Variants in NRXN3 observed in about 807,000 individuals in gnomAD.
NRXN3 encodes the protein neurexin 3.
NRXN3 carries 32 observed loss-of-function variants against 137.6 expected under a neutral mutation model. That is an observed-to-expected ratio of 0.23 (90% CI 0.18 to 0.31). NRXN3 has a LOEUF of 0.31. Among genes scored for constraint, NRXN3 ranks in the 10% least tolerant of loss-of-function variants. The probability of loss-of-function intolerance (pLI) is 1.00; values close to 1 mark genes in which losing one functional copy is unlikely to be tolerated. For synonymous variants in NRXN3, 798 were observed against 784.5 expected (o/e 1.02, Z -0.29); for missense variants, 1,574 against 2,062.5 (o/e 0.76, Z 4.59).
At chr14:78,326,462 C>T (rs1278385336) in intron 4 of NRXN3, among the ~76,000 whole-genome samples, 2 of 152,130 alleles carry the variant, frequency 1.3e-5, no homozygotes, top group Non-Finnish European at 2.9e-5. Flanking sequence ...TAACATGTTC[C>T]GTTTTGGATT....
chr14:79,510,077 C>T (rs1404921084), intron 16 of NRXN3, among the ~76,000 whole-genome samples: 1 of 152,164 alleles, frequency 6.6e-6, no homozygotes, highest in African/African-American at 2.4e-5. Flanking sequence ...ATTGACCAAA[C>T]CAAAACACGT....
In NRXN3 at chr14:78,988,027, A is replaced by G. The variant is rs1209644887; in HGVS notation, c.3148A>G (p.Ser1050Gly). The G allele has an allele frequency of 6.2e-7, 1 of 1,613,676 alleles. No individual in the cohort carries two copies. Among genetic ancestry groups the G allele is most frequent in the East Asian group, 2.2e-5 (1 of 44,848 alleles). The change falls in exon 15 of 21, where the codon AGT becomes GGT. Residue 1050 changes from serine to glycine, a missense_variant. Around this residue, in one of 5 missense-constraint regions of NRXN3, gnomAD observed 718 missense variants for 887.6 expected, o/e 0.81. Transcript: ENST00000335750. ...CTCTTCTTGTGCATTACTAGGACCC[A>G]GTACCACCTGCCAGGAAGATTCATG... Reference protein sequence around the residue: ...GQIERGCEGPSTTCQEDSCAN... With the variant: ...GQIERGCEGPGTTCQEDSCAN...
intron 10 of NRXN3, among the ~76,000 whole-genome samples, chr14:78,938,936 C>CT (rs2099347613): frequency 6.6e-6 from 1 of 151,176 alleles, no homozygotes; most frequent in African/African-American, 2.4e-5. Context: ...GCTCCGCCCC[C>CT]TGGGGTTCAC....
intron 10 of NRXN3, among the ~76,000 whole-genome samples, chr14:78,820,988 A>C (rs768770111): frequency 1.5e-4 from 23 of 152,280 alleles, no homozygotes; most frequent in Middle Eastern, 6.8e-3. Flanking sequence ...TGCTTGACAT[A>C]AAATCTCAAG....
Position 79,571,551 on chromosome 14 carries a change from G to A in NRXN3, c.3445-92227G>A, listed in dbSNP as rs1013875821. On this transcript the variant is annotated intron_variant, in intron 16 of 20. Transcript: ENST00000335750. The stretch of plus-strand genomic sequence containing the variant: ...CTGCACCTCAGATAAGGGAGCTTCC[G>A]CAATGAATGCCTGGGCCTTTGGCTT... Among the ~76,000 whole-genome samples the A allele has an allele frequency of 2.6e-5, 4 of 152,244 alleles. No individual in the cohort carries two copies. The East Asian group carries it at 5.8e-4, about 22-fold the overall frequency.
chr14:79,730,677 A>G (rs2098918789), intron 19 of NRXN3, among the ~76,000 whole-genome samples: 1 of 152,180 alleles, frequency 6.6e-6, no homozygotes, highest in Non-Finnish European at 1.5e-5. Context: ...GTAGATATTA[A>G]CTATGTAATT....
At chr14:78,306,627 C>T (rs2077396968) in intron 4 of NRXN3, among the ~76,000 whole-genome samples, 1 of 152,070 alleles carries the variant, frequency 6.6e-6, no homozygotes, top group South Asian at 2.1e-4. Context: ...AGTATAGGTA[C>T]AATTTGCACA....
chr14:79,692,161 T>C lies in NRXN3; in HGVS notation c.3617-12T>C. The C allele has an allele frequency of 6.3e-7, 1 of 1,582,332 alleles. No homozygotes were observed. Among genetic ancestry groups the C allele is most frequent in the South Asian group, 1.2e-5 (1 of 84,844 alleles). ...TCAGATTGTTCTTTAAGCTGTTTTT[T>C]AAACTTTAAAGGCAACACTGATAAT... is the stretch of plus-strand genomic sequence containing the variant. On this transcript the variant is annotated splice_polypyrimidine_tract_variant and intron_variant, in intron 17 of 20. Transcript: ENST00000335750.
chr14:78,799,482 T>C (rs1337105312), intron 8 of NRXN3, among the ~76,000 whole-genome samples: 1 of 152,204 alleles, frequency 6.6e-6, no homozygotes, highest in African/African-American at 2.4e-5. Context: ...AGTTCCAAAC[T>C]TTCCCATGTT....
intron 15 of NRXN3, among the ~76,000 whole-genome samples, chr14:79,340,983 G>T (rs548020207): frequency 6.6e-6 from 1 of 152,158 alleles, no homozygotes; most frequent in South Asian, 2.1e-4. Context: ...TGGCTGCAGA[G>T]AAAATAAATT....
intron 2 of NRXN3, among the ~76,000 whole-genome samples, chr14:78,248,194 T>C (rs2067976289): frequency 1.3e-5 from 2 of 151,830 alleles, no homozygotes; most frequent in Non-Finnish European, 2.9e-5. Flanking sequence ...TTTTCAAGTG[T>C]TGGAATCCTC....
chr14:78,534,457 G>C lies in NRXN3; in HGVS notation c.758-110663G>C, dbSNP rs546344605. ...ATGTCATAATCATATTCAGAAAGTG[G>C]AATGAGTGTGCATCTGAATGGCTGC... On this transcript the variant is annotated intron_variant, in intron 4 of 20. Coordinates refer to ENST00000335750, the MANE Select transcript of NRXN3 (RefSeq NM_001330195.2). 6.4e-4 allele frequency among the ~76,000 whole-genome samples: 97 copies of C among 152,264 alleles called. 2 individuals carry two copies. Among genetic ancestry groups the C allele is most frequent in the South Asian group, 5.6e-3 (27 of 4,824 alleles).
chr14:79,567,302 G>A (rs763598992), intron 16 of NRXN3, among the ~76,000 whole-genome samples: 19 of 151,868 alleles, frequency 1.3e-4, no homozygotes, highest in Admixed American at 3.3e-4. Flanking sequence ...GAAAAATAAC[G>A]TATTTTGTAT....
intron 4 of NRXN3, among the ~76,000 whole-genome samples, chr14:78,359,571 C>T (rs1012541072): frequency 3.3e-5 from 5 of 152,084 alleles, no homozygotes; most frequent in African/African-American, 7.2e-5. Flanking sequence ...GAACAACATC[C>T]CCATATAAGA....
intron 10 of NRXN3, among the ~76,000 whole-genome samples, chr14:78,904,923 A>G (rs978487038): frequency 1.3e-5 from 2 of 151,966 alleles, no homozygotes; most frequent in East Asian, 3.9e-4. Context: ...ACCATGTGGT[A>G]TTACTGTAAT....
In NRXN3 at chr14:78,738,545, C is replaced by T. The variant is rs117543781; in HGVS notation, c.2044+23406C>T. On this transcript the variant is annotated intron_variant, in intron 8 of 20. Transcript: ENST00000335750. ...CATCACTTCAGAGGAACCAGAAGCA[C>T]CTGCCAGAGAGCTTTATGTCATCAG... Among the ~76,000 whole-genome samples the T allele has an allele frequency of 9.3e-3, 1,421 of 152,258 alleles. 54 individuals carry two copies. The East Asian group carries it at 0.16, about 17-fold the overall frequency.
chr14:78,331,292 A>G (rs1180560986), intron 4 of NRXN3, among the ~76,000 whole-genome samples: 1 of 152,134 alleles, frequency 6.6e-6, no homozygotes, highest in African/African-American at 2.4e-5. Context: ...TTCTTTTTCT[A>G]TCATACCCTT....
chr14:78,192,157 T>C lies in NRXN3; in HGVS notation c.-704+21483T>C, dbSNP rs74526015. On this transcript the variant is annotated intron_variant, in intron 1 of 20. Transcript: ENST00000335750. ...AAGTGTGTAAGTGCAGGGTGTGTGT[T>C]GTCAGGATATTGTTACACTGCCTAA... is the stretch of plus-strand genomic sequence containing the variant. Among the ~76,000 whole-genome samples, 550 of 151,660 alleles carry C rather than the reference T, an allele frequency of 3.6e-3. 28 individuals are homozygous for C. The East Asian group carries it at 0.094, about 26-fold the overall frequency.
intron 15 of NRXN3, among the ~76,000 whole-genome samples, chr14:79,186,598 C>T (rs1441256394): frequency 1.3e-5 from 2 of 152,182 alleles, no homozygotes; most frequent in African/African-American, 4.8e-5. Context: ...TAGAAAGAAA[C>T]TCCACCTTAA....
Sources: allele counts gnomAD v4.1 joint callset (sites outside exome capture counted in the v4.1 genomes callset), GRCh38; gene constraint gnomAD v4.1.1; regional missense constraint gnomAD v4.1.1; transcripts MANE v1.5; gene names NCBI Gene and HGNC (gene_info 2026-07-23, HGNC 2026-07-21).